MACF1: variants seen among roughly 807,000 people sequenced by gnomAD.
The protein encoded by MACF1 is microtubule actin crosslinking factor 1, also known as microtubule-actin cross-linking factor 1.
Under a neutral mutation model 854.8 loss-of-function variants are expected in MACF1, and 193 were observed. That is an observed-to-expected ratio of 0.23 (90% CI 0.20 to 0.25). The LOEUF is 0.25. MACF1 is among the 10% of genes least tolerant of loss of function. MACF1 has a pLI of 1.00. For synonymous variants in MACF1, 3,185 were observed against 3,226.7 expected, an observed-to-expected ratio of 0.99 and a Z score of 0.44; for missense variants, 7,722 against 8,929.1, an observed-to-expected ratio of 0.86 and a Z score of 5.45.
Position 39,413,011 on chromosome 1 carries a change from G to C in MACF1, c.15817-9363G>C, listed in dbSNP as rs577618906. ...TACTGTCCCAGCTGTTACAGTATCT[G>C]TCCCTGAAGGGACTGCTGCAGTTGC... On this transcript the variant is annotated intron_variant, in intron 58 of 100. Transcript: ENST00000564288. The C allele has an allele frequency of 1.6e-5, 26 of 1,583,012 alleles. 1 individual carries two copies. Among genetic ancestry groups the C allele is most frequent in the African/African-American group, 1.3e-4 (10 of 74,324 alleles).
intron 2 of MACF1, among the ~76,000 whole-genome samples, chr1:39,197,348 T>A (rs1644332653): frequency 6.6e-6 from 1 of 152,130 alleles, no homozygotes; most frequent in Non-Finnish European, 1.5e-5. Flanking sequence ...ATTACTTTGG[T>A]TATCTTTCAT....
intron 2 of MACF1, among the ~76,000 whole-genome samples, chr1:39,165,324 C>T (rs1457710586): frequency 1.3e-5 from 2 of 152,150 alleles, no homozygotes; most frequent in Non-Finnish European, 2.9e-5. Flanking sequence ...ACACCTTTTA[C>T]AGCACTAGGC....
chr1:39,305,029 G>A (rs1206655890), intron 23 of MACF1: 6 of 151,274 alleles, frequency 4.0e-5, no homozygotes, highest in African/African-American at 1.5e-4. Flanking sequence ...GAGAGGCTGA[G>A]GTTATTGGAT....
intron 40 of MACF1, among the ~76,000 whole-genome samples, chr1:39,345,825 T>C (rs1647033447): frequency 6.6e-6 from 1 of 152,124 alleles, no homozygotes; most frequent in Admixed American, 6.5e-5. Flanking sequence ...CTCAGCACTT[T>C]GGGAGGTTAA....
rs756642453 is a variant in MACF1 at position 39,411,270 on chromosome 1, G to C, written c.15817-11104G>C. On this transcript the variant is annotated intron_variant, in intron 58 of 100. Coordinates refer to ENST00000564288, the MANE Select transcript of MACF1 (RefSeq NM_001394062.1). Reference sequence around the variant, plus strand: ...GGATTATGATGGAGGCTGAGGGAGAGTGGGAGGAAGAGAAACTGTCAGACA... The same window carrying C: ...GGATTATGATGGAGGCTGAGGGAGACTGGGAGGAAGAGAAACTGTCAGACA... The C allele has an allele frequency of 1.9e-6, 3 of 1,613,838 alleles. No individual in the cohort carries two copies. In the African/African-American group the frequency reaches 4.0e-5, roughly 22 times the overall value.
chr1:39,352,684 A>C (rs778173358), intron 43 of MACF1, among the ~76,000 whole-genome samples: 46 of 151,490 alleles, frequency 3.0e-4, no homozygotes, highest in Non-Finnish European at 1.8e-4. Flanking sequence ...CACCCAGATA[A>C]TTTTTTGTAT....
chr1:39,268,570 T>C, intron 6 of MACF1: 1 of 1,175,008 alleles, frequency 8.5e-7, no homozygotes, highest in Non-Finnish European at 1.1e-6. Flanking sequence ...GAGAAAGAAT[T>C]GGAGGGATTG....
At chr1:39,354,651 C>T (rs1326037997) in intron 44 of MACF1, among the ~76,000 whole-genome samples, 1 of 152,128 alleles carries the variant, frequency 6.6e-6, no homozygotes, top group Non-Finnish European at 1.5e-5. Flanking sequence ...GTGATTTGCT[C>T]ACCTCCCAAA....
intron 58 of MACF1, among the ~76,000 whole-genome samples, chr1:39,391,509 A>C (rs1388713268): frequency 6.6e-6 from 1 of 152,184 alleles, no homozygotes; most frequent in Non-Finnish European, 1.5e-5. Context: ...CACTGCTGTC[A>C]TTTGGTCTGT....
chr1:39,441,793 A>G (rs1644124429), intron 74 of MACF1, among the ~76,000 whole-genome samples, 159 bp from the exon 75 acceptor site: 1 of 152,198 alleles, frequency 6.6e-6, no homozygotes, highest in South Asian at 2.1e-4. Flanking sequence ...TATTATTAAT[A>G]TAAAGATCAT....
rs115639649 is a variant in MACF1 at position 39,466,445 on chromosome 1, G to C, written c.21771+1333G>C. Among the ~76,000 whole-genome samples, 616 of 152,276 alleles carry C rather than the reference G, an allele frequency of 4.0e-3. 1 individual carries two copies. The highest frequency in any genetic ancestry group is 7.2e-3 in the Non-Finnish European group (490 of 68,014). On this transcript the variant is annotated intron_variant, in intron 95 of 100. Coordinates refer to ENST00000564288, the MANE Select transcript of MACF1 (RefSeq NM_001394062.1). ...GAGCTTTAGTGTGAAATTAAGGTTG[G>C]GGGGGACATGAAATATATGGAGTGA...
At position 39,368,326 on chromosome 1, in the gene MACF1, C is replaced by G. The variant is rs755514501; in HGVS notation, c.12938+12C>G. On this transcript the variant is annotated intron_variant, in intron 50 of 100. Coordinates refer to ENST00000564288, the MANE Select transcript of MACF1 (RefSeq NM_001394062.1). ...ACAGTTAAAGAGAGGTGAGTTATCA[C>G]TTGTGTTGGTCAGCATTGGGGAACT... The G allele has an allele frequency of 6.2e-7, 1 of 1,608,442 alleles. No individual in the cohort carries two copies.
intron 66 of MACF1, 108 bp downstream of exon 66, chr1:39,431,016 C>G (rs771874478): frequency 1.0e-6 from 1 of 982,304 alleles, no homozygotes; most frequent in Non-Finnish European, 1.6e-6. Context: ...TGGGCTCAAG[C>G]TAAATCTGGT....
chr1:39,144,464 T>C (rs1643418032), intron 2 of MACF1, among the ~76,000 whole-genome samples: 1 of 152,178 alleles, frequency 6.6e-6, no homozygotes, highest in Non-Finnish European at 1.5e-5. Context: ...AGAAAAGTTA[T>C]TGAAGTTATT....
chr1:39,453,565 A>C, intron 87 of MACF1, 142 bp from the exon 88 acceptor site: 1 of 687,948 alleles, frequency 1.5e-6, no homozygotes, highest in Non-Finnish European at 2.4e-6. Context: ...AAATGCCATA[A>C]ATAACTATAC....
At chr1:39,438,250 G>T (rs1047058380) in intron 71 of MACF1, among the ~76,000 whole-genome samples, 4 of 152,152 alleles carry the variant, frequency 2.6e-5, no homozygotes, top group African/African-American at 9.7e-5. Context: ...AACCCCTAAC[G>T]TGAGTAAACT....
At chr1:39,306,562 G>A (rs1646180861) in intron 23 of MACF1, among the ~76,000 whole-genome samples, 1 of 150,810 alleles carries the variant, frequency 6.6e-6, no homozygotes, top group African/African-American at 2.4e-5. Context: ...AAACACCACA[G>A]GCAATTTTCA....
At chr1:39,248,827 C>T (rs1410366576) in intron 2 of MACF1, among the ~76,000 whole-genome samples, 1 of 151,890 alleles carries the variant, frequency 6.6e-6, no homozygotes, top group African/African-American at 2.4e-5. Flanking sequence ...TTCCTGGGCT[C>T]AAGTGATCCT....
rs1398101973 is a variant in MACF1, at chr1:39,292,756, T to G, written c.1915-10T>G. On this transcript the variant is annotated splice_polypyrimidine_tract_variant and intron_variant, in intron 16 of 100. Transcript: ENST00000564288. ...TCTAATGTATTTTTATTTCATTCTT[T>G]TTTAATCAGGGAAAGATGTCCCAGA... 2 of 1,595,868 alleles carry G rather than the reference T, an allele frequency of 1.3e-6. No homozygotes were observed. Among genetic ancestry groups the G allele is most frequent in the African/African-American group, 1.3e-5 (1 of 74,410 alleles).
Sources: gnomAD v4.1 joint callset for allele counts (sites outside exome capture counted in the v4.1 genomes callset) on GRCh38, gnomAD v4.1.1 for gene constraint, MANE v1.5 for transcripts, NCBI Gene and HGNC (gene_info 2026-07-23, HGNC 2026-07-21) for gene names.